The following CNKSR2 variants were observed in gnomAD, a reference collection of about 807,000 sequenced individuals.
CNKSR2 encodes the protein CNK homolog protein 2.
In CNKSR2, 14 loss-of-function variants were observed where a neutral mutation model predicts 84.4. That is an observed-to-expected ratio of 0.17 (90% confidence interval 0.11 to 0.26). The LOEUF is 0.26. CNKSR2 is among the 10% of genes least tolerant of loss of function. The pLI is 1.00. For missense variants in CNKSR2, 485 were observed against 771.2 expected (o/e 0.63, Z 4.40); for synonymous variants, 275 against 277.9 (o/e 0.99, Z 0.10).
chrX:21,468,470 T>A (rs192322982), intron 4 of CNKSR2: 1 of 111,220 alleles, frequency 9.0e-6, no homozygotes, highest in South Asian at 3.8e-4. Flanking sequence ...TGAGTCCTAC[T>A]AAAACAGGAG....
chrX:21,549,501 A>G (rs2092063775), intron 11 of CNKSR2, among the ~76,000 whole-genome samples: 1 of 112,011 alleles, frequency 8.9e-6, no homozygotes, highest in South Asian at 3.7e-4. Context: ...AAAGTAATTT[A>G]TAGATTAAAT....
chrX:21,601,730 T>C (rs186706007), intron 18 of CNKSR2, among the ~76,000 whole-genome samples: 2 of 112,547 alleles, frequency 1.8e-5, no homozygotes, highest in African/African-American at 3.2e-5. Context: ...AGAAATGAGA[T>C]GATCTTTTCT....
intron 11 of CNKSR2, among the ~76,000 whole-genome samples, chrX:21,553,115 G>A (rs2092108170): frequency 1.8e-5 from 2 of 111,481 alleles, no homozygotes; most frequent in South Asian, 7.5e-4. Context: ...CATAGCCTTA[G>A]TATTTTGCAA....
Position 21,374,448 on chromosome X carries a change from G to T in CNKSR2, c.-450G>T, listed in dbSNP as rs908045656. 1.1e-4 allele frequency: 34 copies of T among 310,852 alleles called. No homozygotes were observed. Among genetic ancestry groups the T allele is most frequent in the African/African-American group, 9.0e-4 (32 of 35,496 alleles). 25.6% of individuals were successfully genotyped at this position (310,852 alleles called of 1,213,427 possible). A position where few individuals can be genotyped will look rare whatever the true frequency, so the allele number is the denominator to read the frequency against. Reference sequence around the variant, plus strand: ...TTCCGCCGGGCAGCTAGTCGTGCTCGGGGCTTCACTCCCGCGCGTGAGGCG... The same window carrying T: ...TTCCGCCGGGCAGCTAGTCGTGCTCTGGGCTTCACTCCCGCGCGTGAGGCG... On this transcript the variant is annotated 5_prime_UTR_variant, in exon 1 of 22. Coordinates refer to ENST00000379510, the MANE Select transcript of CNKSR2 (RefSeq NM_014927.5).
intron 18 of CNKSR2, among the ~76,000 whole-genome samples, chrX:21,602,510 A>C (rs1602015880): frequency 8.9e-6 from 1 of 111,972 alleles, no homozygotes; most frequent in East Asian, 2.8e-4. Flanking sequence ...AAAGATCTAA[A>C]GAAGACAGCC....
intron 18 of CNKSR2, chrX:21,606,578 A>C: frequency 3.1e-6 from 1 of 325,312 alleles, no homozygotes; most frequent in Non-Finnish European, 5.3e-6. Context: ...GGATGTTAGA[A>C]TTAGGTGATT....
At position 21,550,415 on chromosome X, in the gene CNKSR2, C is replaced by A. The variant is rs1402074151; in HGVS notation, c.1304-11056C>A. On this transcript the variant is annotated intron_variant, in intron 11 of 21. Transcript: ENST00000379510. ...TGGCGATCATTAAAAAGTCAGGAAA[C>A]AACAGATGCTGGAGAGGATGTGGAG... Among the ~76,000 whole-genome samples, 4 of 111,444 alleles carry A rather than the reference C, an allele frequency of 3.6e-5. No homozygotes were observed. The East Asian group carries it at 1.1e-3, about 32-fold the overall frequency.
intron 13 of CNKSR2, among the ~76,000 whole-genome samples, chrX:21,572,676 T>C (rs2092292034): frequency 9.0e-6 from 1 of 111,280 alleles, no homozygotes; most frequent in African/African-American, 3.3e-5. Flanking sequence ...TCAGCTCTCA[T>C]GATAAATCAC....
intron 4 of CNKSR2, among the ~76,000 whole-genome samples, chrX:21,458,504 TA>T (rs779839824): frequency 1.6e-3 from 176 of 112,319 alleles, no homozygotes; most frequent in African/African-American, 5.5e-3. Flanking sequence ...AGCTTATTAC[TA>T]AAAATGGAAT....
chrX:21,476,393 G>C lies in CNKSR2; in HGVS notation c.561+5586G>C, dbSNP rs749055807. 2.7e-5 allele frequency among the ~76,000 whole-genome samples: 3 copies of C among 111,424 alleles called. No homozygotes were observed. In the South Asian group the frequency reaches 1.1e-3, roughly 42 times the overall value. On this transcript the variant is annotated intron_variant, in intron 5 of 21. Transcript: ENST00000379510. ...TTTGCATTTCTTTCATAATGAAAAA[G>C]TATAAAAGTATGTATTTATTATAGT...
intron 20 of CNKSR2, among the ~76,000 whole-genome samples, chrX:21,624,217 A>G (rs1286847343): frequency 1.8e-5 from 2 of 112,238 alleles, no homozygotes; most frequent in Non-Finnish European, 3.8e-5. Context: ...AAAACAAAGG[A>G]AAAAGACATA....
chrX:21,512,477 T>C (rs1250610171), intron 8 of CNKSR2, among the ~76,000 whole-genome samples: 2 of 111,926 alleles, frequency 1.8e-5, no homozygotes, highest in Non-Finnish European at 3.8e-5. Context: ...ATTGGTTATT[T>C]GTTCCTTAGT....
chrX:21,469,325 C>A (rs1407050745), intron 4 of CNKSR2, among the ~76,000 whole-genome samples: 1 of 111,783 alleles, frequency 8.9e-6, no homozygotes, highest in African/African-American at 3.3e-5. Context: ...AGACAAGACC[C>A]AATTCTTAAG....
intron 4 of CNKSR2, among the ~76,000 whole-genome samples, chrX:21,454,259 A>G (rs1601810788): frequency 9.0e-6 from 1 of 111,702 alleles, no homozygotes; most frequent in African/African-American, 3.2e-5. Context: ...AATAAACACA[A>G]TATTAAGTGC....
At chrX:21,454,970 C>T (rs771954694) in intron 4 of CNKSR2, among the ~76,000 whole-genome samples, 9 of 111,285 alleles carry the variant, frequency 8.1e-5, no homozygotes, top group Non-Finnish European at 1.3e-4. Context: ...TCTAAATAAC[C>T]TCTCTATATG....
At chrX:21,463,979 C>T (rs1373429413) in intron 4 of CNKSR2, among the ~76,000 whole-genome samples, 1 of 111,721 alleles carries the variant, frequency 9.0e-6, no homozygotes, top group Non-Finnish European at 1.9e-5. Flanking sequence ...AAGTTGTGTG[C>T]CGCCCCCCTA....
chrX:21,396,971 A>G (rs894895135), intron 1 of CNKSR2, among the ~76,000 whole-genome samples: 3 of 111,835 alleles, frequency 2.7e-5, no homozygotes, highest in African/African-American at 9.7e-5. Context: ...CAACAAACCT[A>G]CTTCATAGAA....
intron 1 of CNKSR2, among the ~76,000 whole-genome samples, chrX:21,378,118 G>A (rs1266107303): frequency 1.8e-5 from 2 of 111,713 alleles, no homozygotes. Flanking sequence ...TTTCCAGTAA[G>A]TACATGAACT....
chrX:21,576,010 C>G (rs750599876), intron 13 of CNKSR2, among the ~76,000 whole-genome samples: 1 of 111,725 alleles, frequency 9.0e-6, no homozygotes, highest in Non-Finnish European at 1.9e-5. Flanking sequence ...CTTCAACATC[C>G]ATCTCTCAAT....
Sources: gnomAD v4.1 joint callset for allele counts (sites outside exome capture counted in the v4.1 genomes callset) on GRCh38, gnomAD v4.1.1 for gene constraint, MANE v1.5 for transcripts, NCBI Gene and HGNC (gene_info 2026-07-23, HGNC 2026-07-21) for gene names.